The following NFAT5 variants were observed in gnomAD, a reference collection of about 807,000 sequenced individuals.
The protein encoded by NFAT5 is nuclear factor of activated T-cells 5.
NFAT5 carries 31 observed loss-of-function variants against 166.5 expected under a neutral mutation model. That is an observed-to-expected ratio of 0.19 (90% CI 0.14 to 0.25). NFAT5 has a LOEUF of 0.25. Ranked by LOEUF, NFAT5 falls within the 10% of genes least tolerant of loss-of-function variation. The pLI is 1.00. For missense variants in NFAT5, 1,449 were observed against 1,821.8 expected (o/e 0.80, Z 3.72); for synonymous variants, 612 against 639.7 (o/e 0.96, Z 0.65).
intron 6 of NFAT5, among the ~76,000 whole-genome samples, chr16:69,657,775 A>T (rs1363095466): frequency 6.9e-6 from 1 of 143,946 alleles, no homozygotes; most frequent in Non-Finnish European, 1.5e-5. Context: ...AAAAAAAAAA[A>T]AAGACAATTA....
At chr16:69,568,025 G>A (rs998662604) in intron 1 of NFAT5, among the ~76,000 whole-genome samples, 3 of 152,122 alleles carry the variant, frequency 2.0e-5, no homozygotes, top group Non-Finnish European at 1.5e-5. Context: ...AAAATACACT[G>A]CAGTTGGCCG....
rs551654270 is a variant in NFAT5 at position 69,700,299 on chromosome 16, C to T, written c.*3948C>T. 6.6e-6 allele frequency: 1 copy of T among 152,134 alleles called. No homozygotes were observed. Among genetic ancestry groups the T allele is most frequent in the South Asian group, 2.1e-4 (1 of 4,814 alleles). The allele number at this position is 152,134 out of a possible 1,614,324, so 9.4% of individuals were successfully genotyped here. A position where few individuals can be genotyped will look rare whatever the true frequency, so the allele number is the denominator to read the frequency against. Reference sequence around the variant, plus strand: ...ATTTTATTCTAGTGCATTTCTTGCTCATCAGAACCTCAGCTAATCTACCTA... The same window carrying T: ...ATTTTATTCTAGTGCATTTCTTGCTTATCAGAACCTCAGCTAATCTACCTA... On this transcript the variant is annotated 3_prime_UTR_variant, in exon 15 of 15. Coordinates refer to ENST00000349945, the MANE Select transcript of NFAT5 (RefSeq NM_138713.4).
At chr16:69,624,381 A>G (rs2034347595) in intron 2 of NFAT5, among the ~76,000 whole-genome samples, 1 of 148,800 alleles carries the variant, frequency 6.7e-6, no homozygotes. Context: ...AACTTTTTGT[A>G]TTTTTAGTAG....
intron 2 of NFAT5, among the ~76,000 whole-genome samples, chr16:69,588,859 G>A (rs244418): frequency 0.35 from 52,462 of 151,812 alleles, 9,752 homozygotes; most frequent in Non-Finnish European, 0.42. Context: ...GGAAGTTTAT[G>A]AAGAAAAGAC....
chr16:69,671,946 T>C (rs1040869374), intron 9 of NFAT5, among the ~76,000 whole-genome samples: 4 of 152,204 alleles, frequency 2.6e-5, no homozygotes, highest in Non-Finnish European at 4.4e-5. Context: ...AAGGTTAGAA[T>C]TGATATGGTG....
At chr16:69,617,365 T>C (rs921617186) in intron 2 of NFAT5, among the ~76,000 whole-genome samples, 1 of 152,194 alleles carries the variant, frequency 6.6e-6, no homozygotes, top group African/African-American at 2.4e-5. Flanking sequence ...TTGTTCCTTC[T>C]AGGATAGACT....
chr16:69,672,530 T>C (rs60946328), intron 9 of NFAT5, among the ~76,000 whole-genome samples: 2,689 of 152,288 alleles, frequency 0.018, 80 homozygotes, highest in African/African-American at 0.061. Context: ...TTAGAGGCAA[T>C]GTATTATAAT....
chr16:69,662,851 C>T (rs771234119), intron 7 of NFAT5, among the ~76,000 whole-genome samples: 19 of 152,072 alleles, frequency 1.2e-4, no homozygotes, highest in Admixed American at 4.6e-4. Context: ...CTTGAACTTG[C>T]GACTTTGAGG....
chr16:69,649,390 T>C (rs113563052), intron 4 of NFAT5: 3 of 979,380 alleles, frequency 3.1e-6, no homozygotes. Flanking sequence ...TTGCAGTTGC[T>C]AATTAAATAT....
intron 2 of NFAT5, among the ~76,000 whole-genome samples, chr16:69,589,069 A>G (rs2032296102): frequency 7.5e-6 from 1 of 132,878 alleles, no homozygotes; most frequent in Non-Finnish European, 1.5e-5. Flanking sequence ...ATCTTGGCTC[A>G]CCACAACCTC....
intron 9 of NFAT5, among the ~76,000 whole-genome samples, chr16:69,671,616 G>A (rs1008156711): frequency 6.6e-6 from 1 of 152,168 alleles, no homozygotes; most frequent in African/African-American, 2.4e-5. Flanking sequence ...TGATCTGCCC[G>A]CCTTGGCCTC....
At chr16:69,607,188 C>T (rs1243493097) in intron 2 of NFAT5, among the ~76,000 whole-genome samples, 2 of 152,126 alleles carry the variant, frequency 1.3e-5, no homozygotes, top group Non-Finnish European at 2.9e-5. Flanking sequence ...TGTCCAAGGT[C>T]ACACAAAAAA....
intron 3 of NFAT5, chr16:69,644,933 C>CATGCTGCATACTTGT (rs1022342713): frequency 2.3e-6 from 1 of 431,444 alleles, no homozygotes. Flanking sequence ...GCAAATATTG[C>CATGCTGCATACTTGT]ATGCTGCATA....
intron 6 of NFAT5, among the ~76,000 whole-genome samples, chr16:69,656,667 G>A (rs2035893848): frequency 6.6e-6 from 1 of 151,972 alleles, no homozygotes; most frequent in Non-Finnish European, 1.5e-5. Flanking sequence ...GGCCAGGCTG[G>A]TCTCCAACTC....
At chr16:69,622,597 A>G (rs8060588) in intron 2 of NFAT5, among the ~76,000 whole-genome samples, 36,169 of 151,946 alleles carry the variant, frequency 0.24, 4,627 homozygotes, top group East Asian at 0.45. Context: ...CCTCAACTTT[A>G]TACCCTTCTT....
chr16:69,613,800 G>A (rs1047182241), intron 2 of NFAT5, among the ~76,000 whole-genome samples: 2 of 152,174 alleles, frequency 1.3e-5, no homozygotes, highest in African/African-American at 2.4e-5. Flanking sequence ...TCTAGACTGT[G>A]AACTGCTTAA....
At chr16:69,572,065 G>A (rs7205551) in intron 2 of NFAT5, among the ~76,000 whole-genome samples, 82,644 of 151,952 alleles carry the variant, frequency 0.54, 23,936 homozygotes, top group East Asian at 0.81. Context: ...CCTGGCCTGC[G>A]CTTGGGTATT....
chr16:69,581,242 A>G (rs1182482244), intron 2 of NFAT5, among the ~76,000 whole-genome samples: 2 of 152,208 alleles, frequency 1.3e-5, no homozygotes, highest in East Asian at 3.9e-4. Context: ...GGGTTTTGTT[A>G]TGTTGGCCAG....
rs143996127 is a variant in NFAT5, at chr16:69,662,752, G to A, written c.1369+2853G>A. On this transcript the variant is annotated intron_variant, in intron 7 of 14. Transcript: ENST00000349945. ...TGGGGTTACAGGCGTGAGCCACTGC[G>A]CCCGGCCGACAACACCTCTTTCATA... is the stretch of plus-strand genomic sequence containing the variant. 5.3e-3 allele frequency among the ~76,000 whole-genome samples: 808 copies of A among 151,974 alleles called. 8 individuals are homozygous for A. The highest frequency in any genetic ancestry group is 0.019 in the African/African-American group (773 of 41,448).
Sources: allele counts gnomAD v4.1 joint callset (sites outside exome capture counted in the v4.1 genomes callset), GRCh38; gene constraint gnomAD v4.1.1; transcripts MANE v1.5; gene names NCBI Gene and HGNC (gene_info 2026-07-23, HGNC 2026-07-21).